Variants in APP observed in about 807,000 individuals in gnomAD.
APP encodes the protein amyloid-beta precursor protein.
APP carries 31 observed loss-of-function variants against 101.4 expected under a neutral mutation model. The observed-to-expected ratio is 0.31, with a 90% CI of 0.23 to 0.41. The LOEUF is 0.41. Ranked by LOEUF, APP falls within the 10% of genes least tolerant of loss-of-function variation. The pLI, the probability that APP is intolerant of heterozygous loss-of-function variation, is 1.00. For missense variants in APP, 839 were observed against 1,003.7 expected (o/e 0.84, Z 2.22); for synonymous variants, 366 against 364.4 (o/e 1.00, Z -0.05).
intron 1 of APP, among the ~76,000 whole-genome samples, chr21:26,168,231 C>T (rs7282327): frequency 0.03 from 4,556 of 152,218 alleles, 144 homozygotes; most frequent in Admixed American, 0.064. Flanking sequence ...ATAGCCAAGG[C>T]CCCATTATCA....
chr21:25,909,902 TA>T (rs1369257699), intron 14 of APP, among the ~76,000 whole-genome samples: 1 of 152,188 alleles, frequency 6.6e-6, no homozygotes, highest in Non-Finnish European at 1.5e-5. Flanking sequence ...GGTAAAGTTT[TA>T]ATTATTTTTA....
chr21:26,094,585 A>AAT (rs1057331257), intron 2 of APP, among the ~76,000 whole-genome samples: 17 of 149,098 alleles, frequency 1.1e-4, no homozygotes, highest in Admixed American at 2.7e-4. Context: ...ATAAAATATA[A>AAT]ATATATAGCT....
intron 1 of APP, among the ~76,000 whole-genome samples, chr21:26,152,283 T>A (rs1389405324): frequency 5.8e-5 from 1 of 17,100 alleles, no homozygotes; most frequent in East Asian, 2.2e-3. Context: ...AGACTCCATC[T>A]CAAAAAAAAA....
Position 26,011,177 on chromosome 21 carries a change from G to A in APP, c.865+10663C>T, listed in dbSNP as rs151249046. ...TGCAACCTCAACCTCCCAGGTTCAAGTGATTTCTTTGCCTCAGCCTCCCAA... is the reference window on the plus strand; with the variant it reads ...TGCAACCTCAACCTCCCAGGTTCAAATGATTTCTTTGCCTCAGCCTCCCAA... On this transcript the variant is annotated intron_variant, in intron 6 of 17. Coordinates refer to ENST00000346798, the MANE Select transcript of APP (RefSeq NM_000484.4). Among the ~76,000 whole-genome samples the A allele has an allele frequency of 4.2e-3, 638 of 152,252 alleles. 4 individuals carry two copies. Among genetic ancestry groups the A allele is most frequent in the Non-Finnish European group, 6.8e-3 (460 of 68,016 alleles).
chr21:25,900,271 G>A (rs754205415), intron 15 of APP, among the ~76,000 whole-genome samples: 3 of 149,452 alleles, frequency 2.0e-5, no homozygotes, highest in East Asian at 2.0e-4. Context: ...GGTGGCTCAC[G>A]CCTGTAATCC....
rs757311752 is a variant in APP, at chr21:25,954,700, G to T, written c.1588-11C>A. 1 of 1,602,614 alleles carries T rather than the reference G, an allele frequency of 6.2e-7. No homozygotes were observed. Among genetic ancestry groups the T allele is most frequent in the South Asian group, 1.1e-5 (1 of 90,676 alleles). On this transcript the variant is annotated splice_polypyrimidine_tract_variant and intron_variant, in intron 12 of 17. Coordinates refer to ENST00000346798, the MANE Select transcript of APP (RefSeq NM_000484.4). ...GAGGTGTGTCATAACCTGCATCAAA[G>T]GATGACAACTCCAGGTCAACAATGT... is the stretch of plus-strand genomic sequence containing the variant.
At chr21:26,036,874 T>C (rs919035006) in intron 5 of APP, among the ~76,000 whole-genome samples, 1 of 152,086 alleles carries the variant, frequency 6.6e-6, no homozygotes, top group African/African-American at 2.4e-5. Context: ...TTAAAAGAGG[T>C]ATCTGCACTC....
chr21:26,014,775 G>C (rs906779182), intron 6 of APP, among the ~76,000 whole-genome samples: 1 of 152,156 alleles, frequency 6.6e-6, no homozygotes, highest in African/African-American at 2.4e-5. Context: ...ACCAGAAGAA[G>C]AAAAATAATT....
rs1427772379 is a variant in APP, at chr21:25,886,667, T to C, written c.2212-4896A>G. ...GCCTTGGCCTCCCCAAATGCTGGGA[T>C]TACAGGTGTGAGCCACCACGCCTGG... On this transcript the variant is annotated intron_variant, in intron 17 of 17. Coordinates refer to ENST00000346798, the MANE Select transcript of APP (RefSeq NM_000484.4). 3.9e-5 allele frequency among the ~76,000 whole-genome samples: 6 copies of C among 152,028 alleles called. No individual in the cohort carries two copies. The East Asian group carries it at 1.2e-3, about 29-fold the overall frequency.
chr21:25,917,176 G>A (rs1250289411), intron 13 of APP, among the ~76,000 whole-genome samples: 1 of 150,598 alleles, frequency 6.6e-6, no homozygotes, highest in Non-Finnish European at 1.5e-5. Context: ...CGGGAGAATT[G>A]CTTAAACCTG....
At chr21:25,989,036 T>C (rs2042753974) in intron 8 of APP, among the ~76,000 whole-genome samples, 1 of 152,206 alleles carries the variant, frequency 6.6e-6, no homozygotes, top group Admixed American at 6.5e-5. Flanking sequence ...AGTTTATTCA[T>C]AAATGGCGAT....
intron 3 of APP, among the ~76,000 whole-genome samples, chr21:26,077,145 T>C (rs561606773): frequency 6.6e-6 from 1 of 152,296 alleles, no homozygotes; most frequent in African/African-American, 2.4e-5. Flanking sequence ...CTCAACTTCT[T>C]CCTGCCATCA....
At chr21:26,095,139 C>T (rs189649439) in intron 2 of APP, among the ~76,000 whole-genome samples, 5 of 152,262 alleles carry the variant, frequency 3.3e-5, no homozygotes, top group East Asian at 3.9e-4. Context: ...CCACCGTGCC[C>T]GGCCTATATT....
intron 4 of APP, among the ~76,000 whole-genome samples, chr21:26,052,929 C>T (rs981044782): frequency 6.6e-6 from 1 of 152,106 alleles, no homozygotes; most frequent in East Asian, 1.9e-4. Flanking sequence ...TTGCGAAACA[C>T]GGCACAGGCA....
intron 1 of APP, among the ~76,000 whole-genome samples, chr21:26,131,091 T>C (rs2146273032): frequency 6.6e-6 from 1 of 152,108 alleles, no homozygotes; most frequent in South Asian, 2.1e-4. Flanking sequence ...TAGCTGGGCG[T>C]GGTGGCACTC....
chr21:26,123,650 A>G (rs1381065426), intron 1 of APP, among the ~76,000 whole-genome samples: 1 of 152,230 alleles, frequency 6.6e-6, no homozygotes, highest in African/African-American at 2.4e-5. Flanking sequence ...CCACAATACT[A>G]GGAGAAAATA....
intron 13 of APP, among the ~76,000 whole-genome samples, chr21:25,939,418 C>T (rs376929083): frequency 9.1e-4 from 138 of 152,206 alleles, no homozygotes; most frequent in African/African-American, 3.3e-3. Flanking sequence ...ACAAATAGTC[C>T]CACTTAATTT....
At chr21:25,892,822 T>C (rs2037782171) in intron 16 of APP, among the ~76,000 whole-genome samples, 1 of 152,216 alleles carries the variant, frequency 6.6e-6, no homozygotes, top group East Asian at 1.9e-4. Flanking sequence ...CATCTTGTTA[T>C]ATAAGGAGTT....
intron 13 of APP, chr21:25,934,285 G>GAC (rs34144393): frequency 0.016 from 2 of 124 alleles, no homozygotes; most frequent in Admixed American, 0.083. Context: ...ATGAGATAAT[G>GAC]AGAGTATATT....
Sources: allele counts gnomAD v4.1 joint callset (sites outside exome capture counted in the v4.1 genomes callset), GRCh38; gene constraint gnomAD v4.1.1; transcripts MANE v1.5; gene names NCBI Gene and HGNC (gene_info 2026-07-23, HGNC 2026-07-21).